The following HPGDS variants were observed in gnomAD, a reference collection of about 807,000 sequenced individuals.
HPGDS encodes GST class-sigma.
In HPGDS, 26 loss-of-function variants were observed where a neutral mutation model predicts 23.1. That is an observed-to-expected ratio of 1.13 (90% CI 0.83 to 1.56). HPGDS has a LOEUF of 1.56. HPGDS is among the 40% of genes most tolerant of loss of function. The probability of loss-of-function intolerance (pLI) is 0.00; values close to 1 mark genes in which losing one functional copy is unlikely to be tolerated. For synonymous variants in HPGDS, 95 were observed against 77.9 expected (o/e 1.22, Z -1.16); for missense variants, 268 against 236.4 (o/e 1.13, Z -0.88).
At chr4:94,317,716 T>A (rs1756425094) in intron 3 of HPGDS, among the ~76,000 whole-genome samples, 157 bp downstream of exon 3, 1 of 152,230 alleles carries the variant, frequency 6.6e-6, no homozygotes, top group African/African-American at 2.4e-5. Context: ...CATGGAAAGT[T>A]AAACTGATAC....
intron 4 of HPGDS, among the ~76,000 whole-genome samples, chr4:94,304,956 G>T (rs189191899): frequency 4.6e-5 from 7 of 152,046 alleles, no homozygotes; most frequent in South Asian, 2.1e-4. Context: ...GGGGGTGTTT[G>T]GTACATGGAA....
At chr4:94,342,765 AC>A (rs774872094) in intron 1 of HPGDS, 29 bp downstream of exon 1, 10 of 152,108 alleles carry the variant, frequency 6.6e-5, no homozygotes, top group Non-Finnish European at 1.3e-4. Context: ...CTCATTTATT[AC>A]CTATGTGGAG....
intron 3 of HPGDS, among the ~76,000 whole-genome samples, chr4:94,314,291 T>C (rs1278211759): frequency 6.6e-6 from 1 of 152,240 alleles, no homozygotes; most frequent in African/African-American, 2.4e-5. Context: ...TAGTCTTTGA[T>C]GATGGTGACG....
At chr4:94,309,051 T>C (rs953405485) in intron 3 of HPGDS, among the ~76,000 whole-genome samples, 2 of 37,204 alleles carry the variant, frequency 5.4e-5, no homozygotes, top group Non-Finnish European at 1.3e-4. Flanking sequence ...GTGTACTTGC[T>C]TTTTTTTTTT....
In HPGDS at chr4:94,312,162, A is replaced by G. The variant is rs558504740; in HGVS notation, c.227-3419T>C. Among the ~76,000 whole-genome samples the G allele has an allele frequency of 5.7e-4, 87 of 151,812 alleles. 1 individual carries two copies. In the South Asian group the frequency reaches 0.012, roughly 22 times the overall value. The stretch of plus-strand genomic sequence containing the variant: ...CTTCAGTTCTGCTCTGATTTTAGTT[A>G]TTTCTTGCCTTCTGCTAGCTTTTGA... On this transcript the variant is annotated intron_variant, in intron 3 of 5. Transcript: ENST00000295256.
intron 2 of HPGDS, among the ~76,000 whole-genome samples, chr4:94,328,903 T>C (rs756985030): frequency 3.3e-5 from 5 of 152,210 alleles, no homozygotes; most frequent in Admixed American, 6.5e-5. Context: ...CCTTCAAGTA[T>C]CTTTCATATG....
intron 3 of HPGDS, among the ~76,000 whole-genome samples, chr4:94,309,090 T>C (rs1756203222): frequency 7.5e-6 from 1 of 133,558 alleles, no homozygotes; most frequent in Non-Finnish European, 1.6e-5. Flanking sequence ...TACATAGGGA[T>C]TCATTGAGGT....
chr4:94,339,491 G>C (rs1721090774), intron 1 of HPGDS, among the ~76,000 whole-genome samples: 1 of 152,050 alleles, frequency 6.6e-6, no homozygotes, highest in Non-Finnish European at 1.5e-5. Flanking sequence ...AACCTATACG[G>C]TTTATCAAAG....
At position 94,299,394 on chromosome 4, in the gene HPGDS, G is replaced by A. The variant is rs1021311402; in HGVS notation, c.*86C>T. ...TAGTGGAGCTGGGGAGGGAGCATGT[G>A]GATTATCTGGCAGGCTGATGTAGCT... On this transcript the variant is annotated 3_prime_UTR_variant, in exon 6 of 6. Coordinates refer to ENST00000295256, the MANE Select transcript of HPGDS (RefSeq NM_014485.3). The A allele has an allele frequency of 6.7e-6, 8 of 1,188,652 alleles. No individual in the cohort carries two copies. The African/African-American group carries it at 1.2e-4, about 18-fold the overall frequency. The allele number at this position is 1,188,652 out of a possible 1,614,324, so 73.6% of individuals were successfully genotyped here.
chr4:94,339,575 T>A (rs1485204700), intron 1 of HPGDS, among the ~76,000 whole-genome samples: 1 of 152,246 alleles, frequency 6.6e-6, no homozygotes, highest in East Asian at 1.9e-4. Flanking sequence ...AGCTATCCAC[T>A]GCAGAAGATT....
At chr4:94,340,374 T>TG (rs1363350944) in intron 1 of HPGDS, among the ~76,000 whole-genome samples, 1 of 123,266 alleles carries the variant, frequency 8.1e-6, no homozygotes, top group Admixed American at 8.8e-5. Context: ...AGTCTCTCTC[T>TG]GTCGCCCAGG....
At chr4:94,316,178 G>T (rs919840685) in intron 3 of HPGDS, among the ~76,000 whole-genome samples, 2 of 152,152 alleles carry the variant, frequency 1.3e-5, no homozygotes, top group African/African-American at 4.8e-5. Context: ...ATTGAGGAGG[G>T]TATTGCAAGT....
At chr4:94,315,840 C>T (rs191164878) in intron 3 of HPGDS, among the ~76,000 whole-genome samples, 236 of 152,342 alleles carry the variant, frequency 1.5e-3, no homozygotes, top group African/African-American at 5.3e-3. Flanking sequence ...TTCATCCCTA[C>T]TTTGACTTCC....
chr4:94,303,072 A>G (rs1756075080), intron 4 of HPGDS, among the ~76,000 whole-genome samples: 1 of 152,170 alleles, frequency 6.6e-6, no homozygotes, highest in South Asian at 2.1e-4. Context: ...ATATGTCTAA[A>G]TGATCTATAA....
intron 2 of HPGDS, among the ~76,000 whole-genome samples, chr4:94,319,258 T>C (rs193290736): frequency 4.6e-5 from 7 of 152,364 alleles, no homozygotes; most frequent in Non-Finnish European, 1.5e-5. Flanking sequence ...TTGACCACTT[T>C]ATTATTATAT....
chr4:94,304,056 C>T (rs1312972263), intron 4 of HPGDS: 2 of 151,528 alleles, frequency 1.3e-5, no homozygotes. Context: ...TTAAAAAACA[C>T]ATTTCCTGAT....
At chr4:94,317,283 A>G (rs1486640390) in intron 3 of HPGDS, among the ~76,000 whole-genome samples, 8 of 152,194 alleles carry the variant, frequency 5.3e-5, no homozygotes, top group African/African-American at 1.9e-4. Context: ...ACAATGGAGC[A>G]TAGGATGGGA....
intron 4 of HPGDS, among the ~76,000 whole-genome samples, chr4:94,306,543 G>A (rs767744952): frequency 3.3e-5 from 5 of 151,998 alleles, no homozygotes; most frequent in Non-Finnish European, 7.4e-5. Flanking sequence ...GGAAATGACC[G>A]GATATGTCTA....
At chr4:94,318,026 A>G in intron 2 of HPGDS, 61 bp from the exon 3 acceptor site, 1 of 873,920 alleles carries the variant, frequency 1.1e-6, no homozygotes, top group Non-Finnish European at 1.9e-6. Flanking sequence ...TATTACTTCC[A>G]TTTTTACTGA....
Sources: allele counts gnomAD v4.1 joint callset (sites outside exome capture counted in the v4.1 genomes callset), GRCh38; gene constraint gnomAD v4.1.1; transcripts MANE v1.5; gene names NCBI Gene and HGNC (gene_info 2026-07-23, HGNC 2026-07-21).